WWOX: variants seen among roughly 807,000 people sequenced by gnomAD.
WWOX encodes WW domain containing oxidoreductase.
In WWOX, 69 loss-of-function variants were observed where a neutral mutation model predicts 46.2. The observed-to-expected ratio is 1.49, with a 90% CI of 1.23 to 1.82. The LOEUF is 1.82. Ranked by LOEUF, WWOX falls within the 40% of genes most tolerant of loss-of-function variation. The probability of loss-of-function intolerance (pLI) is 0.00; values close to 1 mark genes in which losing one functional copy is unlikely to be tolerated. For missense variants in WWOX, 919 were observed against 542.6 expected (o/e 1.69, Z -6.89); for synonymous variants, 359 against 202.6 (o/e 1.77, Z -6.56).
intron 8 of WWOX, among the ~76,000 whole-genome samples, chr16:79,041,481 C>T (rs2047970195): frequency 6.6e-6 from 1 of 152,174 alleles, no homozygotes; most frequent in African/African-American, 2.4e-5. Context: ...CATTAGGAAC[C>T]TGGATGATGG....
chr16:78,871,189 T>A (rs63185461), intron 8 of WWOX, among the ~76,000 whole-genome samples: 16 of 147,864 alleles, frequency 1.1e-4, no homozygotes, highest in African/African-American at 2.3e-4. Flanking sequence ...TTTTTTTTTT[T>A]AATGAGGCAA....
intron 8 of WWOX, among the ~76,000 whole-genome samples, chr16:78,540,718 A>T (rs1316836029): frequency 6.6e-6 from 1 of 151,872 alleles, no homozygotes. Context: ...ATGGGGTCTC[A>T]TTCTGTTGCC....
intron 8 of WWOX, chr16:79,203,949 TTTATATC>T (rs1284645116): frequency 6.6e-6 from 1 of 152,220 alleles, no homozygotes; most frequent in Non-Finnish European, 1.5e-5. Flanking sequence ...AATATCTTCT[TTTATATC>T]TTATAAACAC....
intron 5 of WWOX, chr16:78,168,138 A>G (rs965433047): frequency 6.6e-6 from 1 of 152,220 alleles, no homozygotes; most frequent in Non-Finnish European, 1.5e-5. Flanking sequence ...CATTTGGCTC[A>G]GCGGAGGCTG....
chr16:78,679,024 A>G lies in WWOX; in HGVS notation c.1056+246272A>G, dbSNP rs1035214084. Among the ~76,000 whole-genome samples the G allele has an allele frequency of 2.4e-4, 37 of 152,298 alleles. 1 individual carries two copies. The highest frequency in any genetic ancestry group is 2.6e-4 in the Admixed American group (4 of 15,304). The stretch of plus-strand genomic sequence containing the variant: ...GCCCCCAGTGGAGAGACAGGAAAGC[A>G]GGGAAGGGGGCAATTGCCAAGCCTG... On this transcript the variant is annotated intron_variant, in intron 8 of 8. Coordinates refer to ENST00000566780, the MANE Select transcript of WWOX (RefSeq NM_016373.4).
At chr16:79,011,856 G>A (rs181817603) in intron 8 of WWOX, among the ~76,000 whole-genome samples, 115 of 152,102 alleles carry the variant, frequency 7.6e-4, no homozygotes, top group African/African-American at 2.5e-3. Context: ...GTCTCACTAT[G>A]TTCTTCAGGC....
At chr16:78,915,042 G>C (rs1183775878) in intron 8 of WWOX, among the ~76,000 whole-genome samples, 1 of 152,130 alleles carries the variant, frequency 6.6e-6, no homozygotes, top group Non-Finnish European at 1.5e-5. Context: ...CACTTAGCCT[G>C]ATCCACAAGT....
chr16:78,988,268 C>T (rs764831901), intron 8 of WWOX, among the ~76,000 whole-genome samples: 63 of 151,406 alleles, frequency 4.2e-4, no homozygotes, highest in Non-Finnish European at 8.2e-4. Context: ...CACTTGAACC[C>T]GGGAGGCAGA....
intron 8 of WWOX, among the ~76,000 whole-genome samples, chr16:78,836,509 T>A (rs1248108457): frequency 6.6e-6 from 1 of 152,204 alleles, no homozygotes; most frequent in African/African-American, 2.4e-5. Flanking sequence ...TTTCAGACAC[T>A]TCTGCCCCTT....
chr16:78,841,034 C>G (rs1354850243), intron 8 of WWOX, among the ~76,000 whole-genome samples: 1 of 152,024 alleles, frequency 6.6e-6, no homozygotes, highest in Non-Finnish European at 1.5e-5. Context: ...CATAGGCAGT[C>G]CAATATAACA....
chr16:78,751,830 AGAAAG>A (rs1460821741), intron 8 of WWOX, among the ~76,000 whole-genome samples: 2 of 152,012 alleles, frequency 1.3e-5, no homozygotes, highest in Admixed American at 6.6e-5. Flanking sequence ...TTCTAGAAAA[AGAAAG>A]GAAGGAGGGA....
At chr16:79,211,586 G>GTCTT (rs750753794) in intron 8 of WWOX, 22 bp from the exon 9 acceptor site, 33 of 1,613,686 alleles carry the variant, frequency 2.0e-5, no homozygotes, top group Middle Eastern at 3.3e-4. Context: ...ATTTTTTTTT[G>GTCTT]TCTTTCTTCT....
intron 8 of WWOX, among the ~76,000 whole-genome samples, chr16:78,672,108 A>C (rs1282679288): frequency 6.6e-6 from 1 of 152,178 alleles, no homozygotes; most frequent in African/African-American, 2.4e-5. Flanking sequence ...ACTTTTGTAA[A>C]AGTTTAGGAT....
intron 8 of WWOX, among the ~76,000 whole-genome samples, chr16:78,463,993 G>A (rs535344831): frequency 6.6e-6 from 1 of 152,154 alleles, no homozygotes; most frequent in Non-Finnish European, 1.5e-5. Flanking sequence ...TTAGGTTGTT[G>A]ATCTGGCGGT....
At chr16:79,114,628 T>C (rs553656661) in intron 8 of WWOX, among the ~76,000 whole-genome samples, 3 of 152,092 alleles carry the variant, frequency 2.0e-5, no homozygotes, top group East Asian at 3.9e-4. Context: ...TTCAGACTCT[T>C]TGAGTTCCTG....
chr16:78,110,413 T>C (rs2032425711), intron 3 of WWOX, among the ~76,000 whole-genome samples: 2 of 151,420 alleles, frequency 1.3e-5, no homozygotes, highest in African/African-American at 2.4e-5. Context: ...CCATGTAATA[T>C]ATTATGAGCA....
At chr16:78,321,393 CGTATATATACGT>C (rs1567499433) in intron 5 of WWOX, among the ~76,000 whole-genome samples, 15 of 73,036 alleles carry the variant, frequency 2.1e-4, no homozygotes, top group African/African-American at 1.2e-3. Flanking sequence ...TATATATATA[CGTATATATACGT>C]ATATATATAT....
At chr16:79,166,793 C>T (rs959805631) in intron 8 of WWOX, among the ~76,000 whole-genome samples, 1 of 152,140 alleles carries the variant, frequency 6.6e-6, no homozygotes, top group Non-Finnish European at 1.5e-5. Context: ...TAGTATATAT[C>T]TTGTTAATAG....
At chr16:78,938,830 C>T (rs1333328734) in intron 8 of WWOX, among the ~76,000 whole-genome samples, 1 of 152,126 alleles carries the variant, frequency 6.6e-6, no homozygotes, top group East Asian at 1.9e-4. Context: ...AGTCTAATTT[C>T]AGGAAAGTCA....
Sources: allele counts gnomAD v4.1 joint callset (sites outside exome capture counted in the v4.1 genomes callset), GRCh38; gene constraint gnomAD v4.1.1; transcripts MANE v1.5; gene names NCBI Gene and HGNC (gene_info 2026-07-23, HGNC 2026-07-21).